Variants in MARK4 observed in about 807,000 individuals in gnomAD.
The protein encoded by MARK4 is microtubule affinity regulating kinase 4.
In MARK4, 19 loss-of-function variants were observed where a neutral mutation model predicts 81.5. That is an observed-to-expected ratio of 0.23 (90% CI 0.16 to 0.34). The LOEUF (loss-of-function observed/expected upper bound fraction) is 0.34. Among genes scored for constraint, MARK4 ranks in the 10% least tolerant of loss-of-function variants. The pLI is 1.00. For missense variants in MARK4, 772 were observed against 1,058.8 expected, an observed-to-expected ratio of 0.73 and a Z score of 3.76; for synonymous variants, 436 against 439.0, an observed-to-expected ratio of 0.99 and a Z score of 0.08.
At chr19:45,291,200 G>T (rs892010775) in intron 13 of MARK4, among the ~76,000 whole-genome samples, 14 of 152,190 alleles carry the variant, frequency 9.2e-5, no homozygotes, top group South Asian at 2.1e-4. Context: ...AGGATGAGGT[G>T]GTTAAAGAAA....
At chr19:45,260,457 C>T (rs1226066584) in intron 2 of MARK4, among the ~76,000 whole-genome samples, 2 of 151,332 alleles carry the variant, frequency 1.3e-5, no homozygotes, top group Non-Finnish European at 1.5e-5. Flanking sequence ...TTTGGGAGGC[C>T]GAGGCAGGTG....
At position 45,271,226 on chromosome 19, in the gene MARK4, G is replaced by C. The variant is rs1242487023; in HGVS notation, c.550-246G>C. On this transcript the variant is annotated intron_variant, in intron 7 of 16. Transcript: ENST00000262891. The surrounding 1 kb of genome is among the most constrained non-coding windows in gnomAD (Gnocchi z 4.1). ...TGGCCTGTGCTAGGTTTTCTATGTG[G>C]ATTAACTCATAATTCTCAAACTACG... is the stretch of plus-strand genomic sequence containing the variant. Among the ~76,000 whole-genome samples the C allele has an allele frequency of 6.6e-6, 1 of 152,150 alleles. No homozygotes were observed. Among genetic ancestry groups the C allele is most frequent in the Non-Finnish European group, 1.5e-5 (1 of 68,030 alleles).
In MARK4 at chr19:45,278,587, G is replaced by A. The variant is rs1970631866; in HGVS notation, c.978G>A (p.Glu326=). Residue 326 remains glutamate, a synonymous_variant, in exon 10 of 17, where the codon GAG becomes GAA. Coordinates refer to ENST00000262891, the MANE Select transcript of MARK4 (RefSeq NM_001199867.2). ...GEELKPYTEP[E]EDFGDTKRIE... is the part of the protein sequence containing the mutation. ...AGTTGAAGCCATACACAGAGCCCGA[G>A]GAGGACTTCGGGGACACCAAGAGAA... is the stretch of plus-strand genomic sequence containing the variant. The A allele has an allele frequency of 6.2e-7, 1 of 1,613,856 alleles. No homozygotes were observed. The highest frequency in any genetic ancestry group is 8.5e-7 in the Non-Finnish European group (1 of 1,179,900).
At chr19:45,251,781 C>G in intron 1 of MARK4, 142 bp downstream of exon 1, 1 of 718,734 alleles carries the variant, frequency 1.4e-6, no homozygotes, top group Non-Finnish European at 2.2e-6. Context: ...CCCTCCCGGA[C>G]TTCCAGGCCT....
chr19:45,270,331 C>T (rs976365500), intron 7 of MARK4, among the ~76,000 whole-genome samples: 9 of 152,140 alleles, frequency 5.9e-5, no homozygotes, highest in African/African-American at 1.9e-4. Flanking sequence ...TGGAATTCTC[C>T]GAGAGTCTGT....
At chr19:45,289,637 G>C (rs999369657) in intron 13 of MARK4, among the ~76,000 whole-genome samples, 1 of 150,960 alleles carries the variant, frequency 6.6e-6, no homozygotes, top group Non-Finnish European at 1.5e-5. Flanking sequence ...AGGCGTGGTG[G>C]TGCACGCCTG....
In MARK4 at chr19:45,277,988, G is replaced by A. The variant is rs1192174366; in HGVS notation, c.852G>A (p.Glu284=). 1 of 1,613,924 alleles carries A rather than the reference G, an allele frequency of 6.2e-7. No homozygotes were observed. The highest frequency in any genetic ancestry group is 1.7e-5 in the Admixed American group (1 of 59,972). The change falls in exon 9 of 17, where the codon GAG becomes GAA. Residue 284 remains glutamate, a synonymous_variant. Transcript: ENST00000262891. ...RVPFYMSTDC[E]SILRRFLVLN... ...CTTTCTACATGTCAACAGACTGTGA[G>A]AGCATCCTGCGGAGATTTTTGGTGC...
chr19:45,280,555 C>T lies in MARK4; in HGVS notation c.1117-20C>T, dbSNP rs1313942463. 1.9e-6 allele frequency: 3 copies of T among 1,613,616 alleles called. No homozygotes were observed. Among genetic ancestry groups the T allele is most frequent in the South Asian group, 1.1e-5 (1 of 91,070 alleles). The stretch of plus-strand genomic sequence containing the variant: ...AGGGACTTGGGGTGCAGAAGAGCCT[C>T]ATCTGTCATCCTCTCGCAGGAGGGT... On this transcript the variant is annotated intron_variant, in intron 11 of 16. Coordinates refer to ENST00000262891, the MANE Select transcript of MARK4 (RefSeq NM_001199867.2).
At chr19:45,262,022 T>G (rs1970387320) in intron 2 of MARK4, among the ~76,000 whole-genome samples, 1 of 152,154 alleles carries the variant, frequency 6.6e-6, no homozygotes, top group Admixed American at 6.6e-5. Flanking sequence ...TCAAAGCTGT[T>G]TTAAAAGTTG....
chr19:45,285,261 C>CAAAA (rs71173139), intron 12 of MARK4, among the ~76,000 whole-genome samples: 6 of 57,090 alleles, frequency 1.1e-4, no homozygotes, highest in Non-Finnish European at 1.4e-4. Flanking sequence ...TGCCGTGTCT[C>CAAAA]AAAAAAAAAA....
intron 2 of MARK4, among the ~76,000 whole-genome samples, chr19:45,262,742 C>G (rs1411891858): frequency 6.6e-6 from 1 of 152,144 alleles, no homozygotes; most frequent in Non-Finnish European, 1.5e-5. Context: ...AGGGTATGGC[C>G]CAGAGTGAGG....
chr19:45,269,048 G>A (rs1970491838), intron 7 of MARK4, among the ~76,000 whole-genome samples: 1 of 152,098 alleles, frequency 6.6e-6, no homozygotes, highest in African/African-American at 2.4e-5. Flanking sequence ...GTGACTTTGG[G>A]GCTGGATTGC....
At chr19:45,275,127 G>A (rs1970582038) in intron 8 of MARK4, among the ~76,000 whole-genome samples, 2 of 152,060 alleles carry the variant, frequency 1.3e-5, no homozygotes, top group Admixed American at 6.6e-5. Context: ...CAGGCGTGGC[G>A]GCACGTGCCT....
intron 13 of MARK4, among the ~76,000 whole-genome samples, chr19:45,292,781 G>C (rs1970835845): frequency 6.6e-6 from 1 of 151,952 alleles, no homozygotes; most frequent in African/African-American, 2.4e-5. Context: ...TGAGGTGAAA[G>C]GATCCACTTG....
rs1971035060 is a variant in MARK4, at chr19:45,305,219, A to G, written c.*2509A>G. On this transcript the variant is annotated 3_prime_UTR_variant, in exon 17 of 17. Coordinates refer to ENST00000262891, the MANE Select transcript of MARK4 (RefSeq NM_001199867.2). ...AGGTCCCCACTGGCGTGTGTGGTCT[A>G]TGTAGCCTCTGGGTGTGGAGCTGGG... 1 of 152,426 alleles carries G rather than the reference A, an allele frequency of 6.6e-6. No homozygotes were observed. The highest frequency in any genetic ancestry group is 1.5e-5 in the Non-Finnish European group (1 of 68,256). The allele number at this position is 152,426 out of a possible 1,614,324, so 9.4% of individuals were successfully genotyped here. A position where few individuals can be genotyped will look rare whatever the true frequency, so the allele number is the denominator to read the frequency against.
At chr19:45,255,381 T>C (rs1970293968) in intron 1 of MARK4, among the ~76,000 whole-genome samples, 1 of 151,740 alleles carries the variant, frequency 6.6e-6, no homozygotes, top group Admixed American at 6.6e-5. Flanking sequence ...GCCAACATGG[T>C]GAAACCCCCT....
intron 12 of MARK4, among the ~76,000 whole-genome samples, chr19:45,286,602 A>G (rs1970745916): frequency 6.6e-6 from 1 of 151,858 alleles, no homozygotes; most frequent in African/African-American, 2.4e-5. Context: ...AGTCCCAGCT[A>G]CTTGGGAGGC....
chr19:45,251,724 C>G (rs1184028494), intron 1 of MARK4, 85 bp downstream of exon 1: 1 of 1,295,796 alleles, frequency 7.7e-7, no homozygotes, highest in Non-Finnish European at 1.0e-6. Flanking sequence ...GCCCCGCGAG[C>G]CCCTACCCTC....
chr19:45,265,434 G>A (rs984987107), intron 6 of MARK4, among the ~76,000 whole-genome samples: 3 of 152,074 alleles, frequency 2.0e-5, no homozygotes, highest in Admixed American at 6.5e-5. Context: ...CCGGGTGTGC[G>A]AGTGCCCAGA....
Sources: gnomAD v4.1 joint callset for allele counts (sites outside exome capture counted in the v4.1 genomes callset) on GRCh38, gnomAD v4.1.1 for gene constraint, Gnocchi (gnomAD v3.1) non-coding constraint, MANE v1.5 for transcripts, NCBI Gene and HGNC (gene_info 2026-07-23, HGNC 2026-07-21) for gene names.